Variants in SEMA6D observed in about 807,000 individuals in gnomAD.
SEMA6D encodes semaphorin 6D.
Under a neutral mutation model 106.6 loss-of-function variants are expected in SEMA6D, and 35 were observed. The ratio of observed to expected loss-of-function variants is 0.33; its 90% CI spans 0.25 to 0.44. The LOEUF (loss-of-function observed/expected upper bound fraction) is 0.44, where lower values mean the gene tolerates loss of function less well. Among genes scored for constraint, SEMA6D ranks in the 20% least tolerant of loss-of-function variants. The pLI, the probability that SEMA6D is intolerant of heterozygous loss-of-function variation, is 1.00. For missense variants in SEMA6D, 1,185 were observed against 1,345.9 expected (o/e 0.88, Z 1.87); for synonymous variants, 499 against 487.7 (o/e 1.02, Z -0.31).
rs1433218846 is a variant in SEMA6D at position 47,454,867 on chromosome 15, G to T, written c.-158-15607G>T. On this transcript the variant is annotated intron_variant, in intron 2 of 19. Transcript: ENST00000558014. ...CTCAGTGGTTTTGAGCCCAAGCTCT[G>T]CAGTCAGTGTCTAAATTTGAATCTT... Among the ~76,000 whole-genome samples, 4 of 151,968 alleles carry T rather than the reference G, an allele frequency of 2.6e-5. No homozygotes were observed. The South Asian group carries it at 6.2e-4, about 24-fold the overall frequency.
intron 1 of SEMA6D, chr15:47,241,259 G>A (rs147862714): frequency 2.2e-4 from 33 of 152,212 alleles, no homozygotes; most frequent in African/African-American, 7.5e-4. Context: ...TAAGAACCAC[G>A]GAGTGTTAAA....
intron 4 of SEMA6D, among the ~76,000 whole-genome samples, chr15:47,627,828 A>G (rs1415730758): frequency 6.6e-6 from 1 of 152,068 alleles, no homozygotes; most frequent in Non-Finnish European, 1.5e-5. Context: ...TTACCCTTCT[A>G]TAGACATATC....
chr15:47,367,345 G>T (rs908574779), intron 1 of SEMA6D, among the ~76,000 whole-genome samples: 1 of 152,070 alleles, frequency 6.6e-6, no homozygotes, highest in African/African-American at 2.4e-5. Flanking sequence ...TAACTAGTCT[G>T]CATTTGCTAG....
intron 2 of SEMA6D, among the ~76,000 whole-genome samples, chr15:47,442,219 G>A (rs557943693): frequency 6.6e-6 from 1 of 152,110 alleles, no homozygotes; most frequent in East Asian, 1.9e-4. Context: ...AATTTTGTGA[G>A]TCCCCACTAT....
intron 4 of SEMA6D, among the ~76,000 whole-genome samples, chr15:47,638,829 C>CT (rs2077437822): frequency 6.6e-6 from 1 of 152,242 alleles, no homozygotes; most frequent in South Asian, 2.1e-4. Context: ...CTCAAATGTT[C>CT]TGCCAGCAGA....
chr15:47,555,554 G>A (rs1011048650), intron 3 of SEMA6D, among the ~76,000 whole-genome samples: 3 of 152,148 alleles, frequency 2.0e-5, no homozygotes, highest in African/African-American at 7.2e-5. Context: ...GTGGGTATGT[G>A]TAGTCCAAGT....
chr15:47,618,651 T>C (rs1194996434), intron 4 of SEMA6D, among the ~76,000 whole-genome samples: 3 of 152,182 alleles, frequency 2.0e-5, no homozygotes, highest in Admixed American at 2.0e-4. Flanking sequence ...ACGTTTGACC[T>C]TTGCCACCTC....
At chr15:47,725,948 A>G (rs1340051436) in intron 1 of SEMA6D, among the ~76,000 whole-genome samples, 1 of 152,264 alleles carries the variant, frequency 6.6e-6, no homozygotes, top group Non-Finnish European at 1.5e-5. Context: ...AAGATCAATC[A>G]GAAATTATAA....
chr15:47,217,866 T>TACACACACAC (rs1330992010), intron 1 of SEMA6D, among the ~76,000 whole-genome samples: 6 of 59,294 alleles, frequency 1.0e-4, no homozygotes, highest in East Asian at 1.1e-3. Flanking sequence ...TGCTTGCATG[T>TACACACACAC]ACACACATAC....
At chr15:47,382,564 A>G (rs2039680554) in intron 1 of SEMA6D, among the ~76,000 whole-genome samples, 1 of 152,224 alleles carries the variant, frequency 6.6e-6, no homozygotes, top group Non-Finnish European at 1.5e-5. Context: ...ATTTCTTTAA[A>G]AGTAAAAACC....
intron 3 of SEMA6D, among the ~76,000 whole-genome samples, chr15:47,575,666 C>T (rs2076144285): frequency 6.6e-6 from 1 of 152,056 alleles, no homozygotes; most frequent in Non-Finnish European, 1.5e-5. Context: ...TTGCAGTGAG[C>T]TGAGATTGCG....
chr15:47,357,000 T>G (rs1282528737), intron 1 of SEMA6D, among the ~76,000 whole-genome samples: 1 of 152,196 alleles, frequency 6.6e-6, no homozygotes, highest in Non-Finnish European at 1.5e-5. Context: ...CTTCAATTCC[T>G]CTCTATTTGG....
intron 1 of SEMA6D, among the ~76,000 whole-genome samples, chr15:47,201,452 A>C (rs1171080589): frequency 6.6e-6 from 1 of 152,170 alleles, no homozygotes; most frequent in Non-Finnish European, 1.5e-5. Context: ...TATGACCCTG[A>C]TTTCTGTCTT....
intron 3 of SEMA6D, among the ~76,000 whole-genome samples, chr15:47,480,368 G>A (rs1220720159): frequency 6.6e-5 from 10 of 151,760 alleles, no homozygotes; most frequent in African/African-American, 2.2e-4. Context: ...CTCCATGGTC[G>A]ACATGACAAA....
intron 4 of SEMA6D, among the ~76,000 whole-genome samples, chr15:47,703,875 A>G (rs1433078341): frequency 6.6e-6 from 1 of 152,202 alleles, no homozygotes; most frequent in Admixed American, 6.5e-5. Flanking sequence ...GATTTTCTTA[A>G]TAAAGATTAA....
At chr15:47,273,467 C>A (rs751240233) in intron 1 of SEMA6D, among the ~76,000 whole-genome samples, 19 of 152,178 alleles carry the variant, frequency 1.2e-4, no homozygotes, top group Non-Finnish European at 2.1e-4. Context: ...GTGCTAATAG[C>A]TATATGAAAG....
At chr15:47,233,345 A>G (rs538457988) in intron 1 of SEMA6D, among the ~76,000 whole-genome samples, 5 of 152,116 alleles carry the variant, frequency 3.3e-5, no homozygotes, top group Admixed American at 6.6e-5. Flanking sequence ...TACTTTCGCA[A>G]TAAGTTTTGA....
chr15:47,517,852 T>A (rs568464961), intron 3 of SEMA6D, among the ~76,000 whole-genome samples: 4 of 152,202 alleles, frequency 2.6e-5, no homozygotes, highest in Non-Finnish European at 2.9e-5. Flanking sequence ...ATTAGGGAGC[T>A]GTCTTTTCTC....
At chr15:47,294,579 C>T (rs1400563027) in intron 1 of SEMA6D, among the ~76,000 whole-genome samples, 3 of 152,082 alleles carry the variant, frequency 2.0e-5, no homozygotes, top group African/African-American at 4.8e-5. Flanking sequence ...AAAGCGTTTC[C>T]GTGTTCTCAT....
Sources: gnomAD v4.1 joint callset for allele counts (sites outside exome capture counted in the v4.1 genomes callset) on GRCh38, gnomAD v4.1.1 for gene constraint, MANE v1.5 for transcripts, NCBI Gene and HGNC (gene_info 2026-07-23, HGNC 2026-07-21) for gene names.